Variants in CPQ observed in about 807,000 individuals in gnomAD.
CPQ encodes the protein carboxypeptidase Q, also known as Ser-Met dipeptidase.
Under a neutral mutation model 45.7 loss-of-function variants are expected in CPQ, and 37 were observed. That is an observed-to-expected ratio of 0.81 (90% confidence interval 0.62 to 1.07). The LOEUF (loss-of-function observed/expected upper bound fraction) is 1.07, where lower values mean the gene tolerates loss of function less well. Among genes scored for constraint, CPQ ranks in the 50% least tolerant of loss-of-function variants. The pLI is 0.00. For synonymous variants in CPQ, 186 were observed against 205.8 expected, an observed-to-expected ratio of 0.90 and a Z score of 0.82; for missense variants, 537 against 572.9, an observed-to-expected ratio of 0.94 and a Z score of 0.64.
intron 7 of CPQ, among the ~76,000 whole-genome samples, chr8:97,096,399 T>A (rs1301092512): frequency 6.6e-6 from 1 of 152,204 alleles, no homozygotes; most frequent in Non-Finnish European, 1.5e-5. Context: ...TTGGATTGAA[T>A]TAGGTCTTTG....
intron 1 of CPQ, among the ~76,000 whole-genome samples, chr8:96,771,350 C>T (rs1470999864): frequency 1.3e-5 from 2 of 151,648 alleles, no homozygotes; most frequent in Non-Finnish European, 2.9e-5. Context: ...AATCTATAGA[C>T]TTTATTTAGG....
chr8:97,139,023 T>C (rs923763652), intron 7 of CPQ, among the ~76,000 whole-genome samples: 1 of 151,986 alleles, frequency 6.6e-6, no homozygotes, highest in African/African-American at 2.4e-5. Flanking sequence ...AAACTATTCA[T>C]AAGAGAAACT....
rs1186779433 is a variant in CPQ, at chr8:96,840,351, C to G, written c.641+5171C>G. Among the ~76,000 whole-genome samples, 3 of 151,996 alleles carry G rather than the reference C, an allele frequency of 2.0e-5. 1 individual carries two copies. ...GGTAGCAGATTAGGCAGTTTTAAGTCTAATGTGGAGGAAATGGAGAACCAT... is the reference window on the plus strand; with the variant it reads ...GGTAGCAGATTAGGCAGTTTTAAGTGTAATGTGGAGGAAATGGAGAACCAT... On this transcript the variant is annotated intron_variant, in intron 3 of 7. Coordinates refer to ENST00000220763, the MANE Select transcript of CPQ (RefSeq NM_016134.4).
chr8:96,971,066 A>G (rs1057246881), intron 5 of CPQ, among the ~76,000 whole-genome samples: 4 of 152,326 alleles, frequency 2.6e-5, no homozygotes, highest in Middle Eastern at 3.4e-3. Flanking sequence ...CCGTGGGTAT[A>G]GCGTACTTTG....
At chr8:97,054,004 CA>C (rs929034420) in intron 6 of CPQ, among the ~76,000 whole-genome samples, 5 of 151,438 alleles carry the variant, frequency 3.3e-5, no homozygotes, top group Admixed American at 3.3e-4. Flanking sequence ...GGGAGTTAGG[CA>C]GGGGGAAAAG....
At chr8:96,996,813 T>A (rs1443239211) in intron 5 of CPQ, among the ~76,000 whole-genome samples, 1 of 152,020 alleles carries the variant, frequency 6.6e-6, no homozygotes, top group Admixed American at 6.6e-5. Context: ...TACTGAATGA[T>A]CATTCTTTTC....
At chr8:96,751,270 C>A (rs1810254922) in intron 1 of CPQ, among the ~76,000 whole-genome samples, 1 of 152,166 alleles carries the variant, frequency 6.6e-6, no homozygotes, top group Admixed American at 6.6e-5. Context: ...AACAGCATTC[C>A]TTTTTCTTCA....
chr8:96,981,108 C>G lies in CPQ; in HGVS notation c.961+15062C>G, dbSNP rs139222187. On this transcript the variant is annotated intron_variant, in intron 5 of 7. Coordinates refer to ENST00000220763, the MANE Select transcript of CPQ (RefSeq NM_016134.4). Reference sequence around the variant, plus strand: ...AAAATCAAGGCAGAGAAAACACAACCAAATCTAGTGCTTACTATTTACAAT... The same window carrying G: ...AAAATCAAGGCAGAGAAAACACAACGAAATCTAGTGCTTACTATTTACAAT... 1.4e-3 allele frequency among the ~76,000 whole-genome samples: 211 copies of G among 152,160 alleles called. 1 individual carries two copies. The highest frequency in any genetic ancestry group is 5.0e-3 in the African/African-American group (206 of 41,506).
intron 4 of CPQ, among the ~76,000 whole-genome samples, chr8:96,891,329 A>G (rs912233195): frequency 3.9e-5 from 6 of 152,100 alleles, no homozygotes; most frequent in African/African-American, 7.2e-5. Context: ...AATATAATCG[A>G]CCTGCCACCA....
intron 4 of CPQ, among the ~76,000 whole-genome samples, chr8:96,947,879 G>A (rs1387747288): frequency 6.6e-6 from 1 of 152,010 alleles, no homozygotes; most frequent in African/African-American, 2.4e-5. Context: ...GAGACAGGCA[G>A]ACCAAACCCG....
At chr8:96,998,085 G>A (rs182106276) in intron 5 of CPQ, among the ~76,000 whole-genome samples, 3 of 152,042 alleles carry the variant, frequency 2.0e-5, no homozygotes, top group East Asian at 1.9e-4. Context: ...AGCAACCTGA[G>A]TTGATAGCTA....
intron 6 of CPQ, among the ~76,000 whole-genome samples, chr8:97,050,337 G>A (rs1198464342): frequency 2.6e-5 from 4 of 152,134 alleles, no homozygotes; most frequent in Non-Finnish European, 5.9e-5. Context: ...CCCTTTCTGT[G>A]TGATGAAGTT....
At chr8:96,854,042 C>A (rs546831564) in intron 3 of CPQ, among the ~76,000 whole-genome samples, 8 of 152,240 alleles carry the variant, frequency 5.3e-5, no homozygotes, top group African/African-American at 1.9e-4. Flanking sequence ...TTATTTTTAA[C>A]ATGTTTAAAT....
chr8:96,959,244 G>T (rs1018404111), intron 4 of CPQ, among the ~76,000 whole-genome samples: 48 of 152,234 alleles, frequency 3.2e-4, no homozygotes, highest in African/African-American at 1.1e-3. Context: ...GAAAAGAGGT[G>T]CTCAGGGAAA....
chr8:96,951,302 A>T (rs929637649), intron 4 of CPQ, among the ~76,000 whole-genome samples: 14 of 152,066 alleles, frequency 9.2e-5, no homozygotes, highest in African/African-American at 3.1e-4. Context: ...CAGACTTTTG[A>T]TGCTTTCTCT....
chr8:96,766,877 GCT>G (rs139083955), intron 1 of CPQ, among the ~76,000 whole-genome samples: 2,996 of 152,228 alleles, frequency 0.02, 108 homozygotes, highest in African/African-American at 0.068. Context: ...GGCACACTTT[GCT>G]CTCTGTTGCT....
chr8:96,658,475 G>A (rs1192825397), intron 1 of CPQ, among the ~76,000 whole-genome samples: 1 of 152,148 alleles, frequency 6.6e-6, no homozygotes, highest in Non-Finnish European at 1.5e-5. Flanking sequence ...TCTGCAGTGG[G>A]CAGAATACTG....
intron 4 of CPQ, among the ~76,000 whole-genome samples, chr8:96,931,376 G>A (rs537840569): frequency 6.6e-6 from 1 of 152,232 alleles, no homozygotes; most frequent in East Asian, 1.9e-4. Flanking sequence ...AGTTCATAGT[G>A]GCCCCAGAAA....
chr8:96,925,523 T>C (rs964765710), intron 4 of CPQ, among the ~76,000 whole-genome samples: 9 of 151,668 alleles, frequency 5.9e-5, no homozygotes, highest in Admixed American at 3.9e-4. Context: ...GTTGGGATTA[T>C]AGGTGCCTGT....
Sources: allele counts gnomAD v4.1 joint callset (sites outside exome capture counted in the v4.1 genomes callset), GRCh38; gene constraint gnomAD v4.1.1; transcripts MANE v1.5; gene names NCBI Gene and HGNC (gene_info 2026-07-23, HGNC 2026-07-21).